Variants in OLFM3 observed in about 807,000 individuals in gnomAD.
OLFM3 encodes the protein noelin-3.
Under a neutral mutation model 48.6 loss-of-function variants are expected in OLFM3, and 20 were observed. That is an observed-to-expected ratio of 0.41 (90% CI 0.29 to 0.60). The LOEUF (loss-of-function observed/expected upper bound fraction) is 0.60, where lower values mean the gene tolerates loss of function less well. Among genes scored for constraint, OLFM3 ranks in the 20% least tolerant of loss-of-function variants. OLFM3 has a pLI of 0.28. For synonymous variants in OLFM3, 222 were observed against 198.1 expected (o/e 1.12, Z -1.01); for missense variants, 437 against 544.3 (o/e 0.80, Z 1.96).
chr1:101,914,041 T>C (rs1658847096), intron 1 of OLFM3, among the ~76,000 whole-genome samples: 1 of 152,208 alleles, frequency 6.6e-6, no homozygotes, highest in Non-Finnish European at 1.5e-5. Flanking sequence ...ACAAGGAGAC[T>C]TTCATAAAGA....
intron 1 of OLFM3, among the ~76,000 whole-genome samples, chr1:101,975,380 T>A (rs1284492486): frequency 6.6e-6 from 1 of 152,320 alleles, no homozygotes; most frequent in East Asian, 1.9e-4. Flanking sequence ...CGTAACAACA[T>A]CCTGTGGACA....
chr1:101,951,911 G>C (rs1660153951), intron 1 of OLFM3, among the ~76,000 whole-genome samples: 1 of 152,026 alleles, frequency 6.6e-6, no homozygotes, highest in African/African-American at 2.4e-5. Flanking sequence ...AAAGAAGGTG[G>C]ATTGTAAATG....
intron 2 of OLFM3, among the ~76,000 whole-genome samples, chr1:101,831,873 TA>T (rs1409442840): frequency 6.6e-6 from 1 of 152,246 alleles, no homozygotes; most frequent in Non-Finnish European, 1.5e-5. Flanking sequence ...AAGATCTTCA[TA>T]AAATTTGATC....
chr1:101,847,213 A>G (rs1328686353), intron 1 of OLFM3: 1 of 249,892 alleles, frequency 4.0e-6, no homozygotes, highest in Admixed American at 6.5e-5. Context: ...TATTCTTGAT[A>G]GGCTTGGTTG....
intron 1 of OLFM3, among the ~76,000 whole-genome samples, chr1:101,917,518 G>A (rs1394169235): frequency 5.3e-5 from 8 of 152,046 alleles, no homozygotes; most frequent in Admixed American, 5.2e-4. Flanking sequence ...TCAGGTTCAA[G>A]TCATTCTTCT....
rs536280331 is a variant in OLFM3, at chr1:101,854,313, T to G, written c.70-17288A>C. Among the ~76,000 whole-genome samples, 3 of 152,126 alleles carry G rather than the reference T, an allele frequency of 2.0e-5. No individual in the cohort carries two copies. In the South Asian group the frequency reaches 6.2e-4, roughly 32 times the overall value. ...TTTGCCTTGAGGTTTCAATATTGTCTTAAAAGTACTCACTAATGAAAGAAT... is the reference window on the plus strand; with the variant it reads ...TTTGCCTTGAGGTTTCAATATTGTCGTAAAAGTACTCACTAATGAAAGAAT... On this transcript the variant is annotated intron_variant, in intron 1 of 5. Coordinates refer to ENST00000370103, the MANE Select transcript of OLFM3 (RefSeq NM_058170.4).
intron 1 of OLFM3, among the ~76,000 whole-genome samples, chr1:101,853,612 T>G (rs975501533): frequency 2.0e-5 from 3 of 152,080 alleles, no homozygotes; most frequent in Non-Finnish European, 2.9e-5. Context: ...AATAAATATT[T>G]ATGAGATAAA....
At chr1:101,967,581 C>G (rs984400220) in intron 1 of OLFM3, among the ~76,000 whole-genome samples, 3 of 71,404 alleles carry the variant, frequency 4.2e-5, no homozygotes, top group Non-Finnish European at 7.1e-5. Flanking sequence ...TACTTCCATC[C>G]TAGTCAGTGA....
At chr1:101,842,979 G>A (rs1282550715) in intron 1 of OLFM3, among the ~76,000 whole-genome samples, 4 of 152,190 alleles carry the variant, frequency 2.6e-5, no homozygotes, top group Non-Finnish European at 4.4e-5. Flanking sequence ...CACGAAATGA[G>A]CATTACCTAA....
intron 1 of OLFM3, among the ~76,000 whole-genome samples, chr1:101,860,856 C>T (rs1205948378): frequency 6.6e-6 from 1 of 151,896 alleles, no homozygotes; most frequent in Non-Finnish European, 1.5e-5. Context: ...CTTTTGATAA[C>T]TTTAACTCAG....
At chr1:101,880,391 T>A (rs1473826495) in intron 1 of OLFM3, among the ~76,000 whole-genome samples, 3 of 151,852 alleles carry the variant, frequency 2.0e-5, no homozygotes, top group African/African-American at 7.2e-5. Context: ...ATGCTGAGTA[T>A]TTCATAGGAA....
At chr1:101,852,220 C>T (rs1026198268) in intron 1 of OLFM3, among the ~76,000 whole-genome samples, 12 of 152,062 alleles carry the variant, frequency 7.9e-5, no homozygotes, top group Admixed American at 4.6e-4. Context: ...ACAGCATACC[C>T]TCTGAAAGAA....
intron 4 of OLFM3, among the ~76,000 whole-genome samples, chr1:101,813,459 A>C (rs557370675): frequency 6.0e-4 from 92 of 152,322 alleles, no homozygotes; most frequent in African/African-American, 2.2e-3. Context: ...ATGTGTGTCT[A>C]GTAAAAAAAT....
intron 1 of OLFM3, among the ~76,000 whole-genome samples, chr1:101,994,930 C>T (rs1176013866): frequency 6.6e-6 from 1 of 152,084 alleles, no homozygotes; most frequent in East Asian, 1.9e-4. Flanking sequence ...GCATTGAATA[C>T]ACACAAATAA....
intron 1 of OLFM3, among the ~76,000 whole-genome samples, chr1:101,902,604 G>T (rs1658424837): frequency 6.6e-6 from 1 of 152,052 alleles, no homozygotes; most frequent in Non-Finnish European, 1.5e-5. Context: ...GTCTCAGTCA[G>T]GTGTACAAAG....
At chr1:101,964,079 T>C (rs969700701) in intron 1 of OLFM3, among the ~76,000 whole-genome samples, 2 of 152,212 alleles carry the variant, frequency 1.3e-5, no homozygotes, top group African/African-American at 2.4e-5. Context: ...TGTCTGATCA[T>C]TGATTTTCTT....
At chr1:101,848,210 A>T (rs17430580) in intron 1 of OLFM3, among the ~76,000 whole-genome samples, 42,637 of 152,118 alleles carry the variant, frequency 0.28, 6,941 homozygotes, top group Non-Finnish European at 0.38. Flanking sequence ...AAGACACAAA[A>T]CAAAATATGG....
intron 1 of OLFM3, among the ~76,000 whole-genome samples, chr1:101,932,980 G>A (rs925038543): frequency 6.6e-6 from 1 of 152,048 alleles, no homozygotes; most frequent in Non-Finnish European, 1.5e-5. Context: ...GAGGTGGGCA[G>A]ATCACGAGGT....
At chr1:101,957,556 A>T (rs1660334749) in intron 1 of OLFM3, among the ~76,000 whole-genome samples, 1 of 152,076 alleles carries the variant, frequency 6.6e-6, no homozygotes, top group African/African-American at 2.4e-5. Flanking sequence ...TGCTAATTTC[A>T]TAGCCAAATG....
Sources: gnomAD v4.1 joint callset for allele counts (sites outside exome capture counted in the v4.1 genomes callset) on GRCh38, gnomAD v4.1.1 for gene constraint, MANE v1.5 for transcripts, NCBI Gene and HGNC (gene_info 2026-07-23, HGNC 2026-07-21) for gene names.